Variants in POU2F1 observed in about 807,000 individuals in gnomAD.
POU2F1 encodes the protein POU domain, class 2, transcription factor 1.
In POU2F1, 16 loss-of-function variants were observed where a neutral mutation model predicts 84.9. That is an observed-to-expected ratio of 0.19 (90% CI 0.13 to 0.29). POU2F1 has a LOEUF of 0.29. Ranked by LOEUF, POU2F1 falls within the 10% of genes least tolerant of loss-of-function variation. POU2F1 has a pLI of 1.00. For synonymous variants in POU2F1, 368 were observed against 368.3 expected (o/e 1.00, Z 0.01); for missense variants, 738 against 942.6 (o/e 0.78, Z 2.84).
Position 167,245,745 on chromosome 1 carries a change from G to A in POU2F1, c.61+24787G>A, listed in dbSNP as rs549612874. Among the ~76,000 whole-genome samples the A allele has an allele frequency of 3.3e-5, 5 of 152,188 alleles. No individual in the cohort carries two copies. In the East Asian group the frequency reaches 7.7e-4, roughly 24 times the overall value. On this transcript the variant is annotated intron_variant, in intron 1 of 15. Transcript: ENST00000367866. Reference sequence around the variant, plus strand: ...TTAAAAAAAAAACTTTTTTTGTAGAGATGGTTTCACTGTATTGCCCAGGCT... The same window carrying A: ...TTAAAAAAAAAACTTTTTTTGTAGAAATGGTTTCACTGTATTGCCCAGGCT...
At chr1:167,221,017 C>A (rs1648071255) in intron 1 of POU2F1, 59 bp downstream of exon 1, 16 of 1,390,124 alleles carry the variant, frequency 1.2e-5, no homozygotes, top group South Asian at 7.4e-5. Flanking sequence ...TCCCGCTGCC[C>A]CCCCCCGCGA....
chr1:167,330,856 A>T (rs1657038822), intron 1 of POU2F1, among the ~76,000 whole-genome samples: 1 of 152,050 alleles, frequency 6.6e-6, no homozygotes. Flanking sequence ...TCTTTTTATG[A>T]ATGTTAACTG....
chr1:167,376,780 T>A (rs1021722603), intron 7 of POU2F1, among the ~76,000 whole-genome samples: 1 of 152,188 alleles, frequency 6.6e-6, no homozygotes, highest in Non-Finnish European at 1.5e-5. Context: ...TTTTTTTGCC[T>A]TTTTTCTTCT....
intron 1 of POU2F1, among the ~76,000 whole-genome samples, chr1:167,243,245 ATTAGGCATTGTT>A (rs1650046274): frequency 1.3e-5 from 2 of 152,212 alleles, no homozygotes; most frequent in African/African-American, 4.8e-5. Context: ...TGCTTATTGT[ATTAGGCATTGTT>A]TTAGGCACTT....
rs1446591498 is a variant in POU2F1, at chr1:167,424,221, T to A, written c.*8411T>A. On this transcript the variant is annotated 3_prime_UTR_variant, in exon 16 of 16. Coordinates refer to ENST00000367866, the MANE Select transcript of POU2F1 (RefSeq NM_002697.4). Reference sequence around the variant, plus strand: ...TAAAACTGCAAACAGTTGGAGAACATGGAACAGGTTGGTGCAGGAAGCCTA... The same window carrying A: ...TAAAACTGCAAACAGTTGGAGAACAAGGAACAGGTTGGTGCAGGAAGCCTA... The A allele has an allele frequency of 6.6e-6, 1 of 152,238 alleles. No individual in the cohort carries two copies. The highest frequency in any genetic ancestry group is 1.9e-4 in the East Asian group (1 of 5,196). The allele number at this position is 152,238 out of a possible 1,614,324, so 9.4% of individuals were successfully genotyped here.
In POU2F1 at chr1:167,396,704, CA is replaced by C; in HGVS notation, c.1129+278del. On this transcript the variant is annotated intron_variant, in intron 10 of 15. Coordinates refer to ENST00000367866, the MANE Select transcript of POU2F1 (RefSeq NM_002697.4). The stretch of plus-strand genomic sequence containing the variant: ...GATTAGGAACACACACACACACACA[CA>C]CACAGTTGAAGGAATAGGATAAGTA... 3 of 332,742 alleles carry C rather than the reference CA, an allele frequency of 9.0e-6. No individual in the cohort carries two copies. In the South Asian group the frequency reaches 1.7e-4, roughly 19 times the overall value. The allele number at this position is 332,742 out of a possible 1,614,324, so 20.6% of individuals were successfully genotyped here. A position where few individuals can be genotyped will look rare whatever the true frequency, so the allele number is the denominator to read the frequency against.
At chr1:167,348,217 G>C (rs763071187) in intron 2 of POU2F1, among the ~76,000 whole-genome samples, 1 of 152,136 alleles carries the variant, frequency 6.6e-6, no homozygotes, top group Non-Finnish European at 1.5e-5. Context: ...ACTGAATACT[G>C]TATGCAATTG....
chr1:167,246,420 A>T (rs565555928), intron 1 of POU2F1, among the ~76,000 whole-genome samples: 1 of 152,184 alleles, frequency 6.6e-6, no homozygotes, highest in Non-Finnish European at 1.5e-5. Context: ...TTAATCTTCT[A>T]TATTGTTCCT....
intron 1 of POU2F1, among the ~76,000 whole-genome samples, chr1:167,256,667 A>C (rs1651166076): frequency 6.6e-6 from 1 of 152,182 alleles, no homozygotes; most frequent in South Asian, 2.1e-4. Flanking sequence ...CGCCACCCGA[A>C]AAGTTACGAA....
At chr1:167,310,349 G>C (rs560000701) in intron 1 of POU2F1, among the ~76,000 whole-genome samples, 1 of 151,944 alleles carries the variant, frequency 6.6e-6, no homozygotes, top group African/African-American at 2.4e-5. Context: ...AGTAGTAAAT[G>C]GGTTAAACAA....
intron 1 of POU2F1, among the ~76,000 whole-genome samples, chr1:167,277,467 C>T (rs1262031688): frequency 6.6e-6 from 1 of 150,818 alleles, no homozygotes; most frequent in East Asian, 1.9e-4. Context: ...GAACTAACTC[C>T]ATTTTTACGT....
At chr1:167,415,361 G>T in intron 15 of POU2F1, 139 bp from the exon 16 acceptor site, 2 of 891,788 alleles carry the variant, frequency 2.2e-6, no homozygotes, top group Non-Finnish European at 3.4e-6. Context: ...CTGTGTTTGA[G>T]GAAAAAAATT....
In POU2F1 at chr1:167,235,396, T is replaced by C. The variant is rs1649375272; in HGVS notation, c.61+14438T>C. On this transcript the variant is annotated intron_variant, in intron 1 of 15. Transcript: ENST00000367866. Reference sequence around the variant, plus strand: ...TATGTTATGAGAGACATGTTCAACATCACAATAGTCTGAGAAGATGAATTA... The same window carrying C: ...TATGTTATGAGAGACATGTTCAACACCACAATAGTCTGAGAAGATGAATTA... Among the ~76,000 whole-genome samples the C allele has an allele frequency of 2.6e-5, 4 of 152,214 alleles. No individual in the cohort carries two copies. In the South Asian group the frequency reaches 8.3e-4, roughly 32 times the overall value.
chr1:167,376,941 A>G (rs532447288), intron 7 of POU2F1, among the ~76,000 whole-genome samples: 85 of 152,344 alleles, frequency 5.6e-4, no homozygotes, highest in African/African-American at 1.7e-3. Context: ...TGATATGCAC[A>G]CAATGCTATG....
At chr1:167,412,944 T>C (rs1650061553) in intron 14 of POU2F1, 82 bp from the exon 15 acceptor site, 1 of 1,187,032 alleles carries the variant, frequency 8.4e-7, no homozygotes, top group Admixed American at 2.0e-5. Context: ...GGATTTTCGT[T>C]TTGTAAGTTC....
At chr1:167,311,165 CAAAA>C (rs1250143982) in intron 1 of POU2F1, among the ~76,000 whole-genome samples, 1 of 151,758 alleles carries the variant, frequency 6.6e-6, no homozygotes, top group African/African-American at 2.4e-5. Flanking sequence ...TTTCACAAAA[CAAAA>C]AAATCTCCAA....
chr1:167,277,140 T>C (rs1652782083), intron 1 of POU2F1, among the ~76,000 whole-genome samples: 1 of 152,150 alleles, frequency 6.6e-6, no homozygotes, highest in Non-Finnish European at 1.5e-5. Context: ...TTGTGAAACC[T>C]TTTTTTCCCT....
At chr1:167,287,770 C>G (rs187758867) in intron 1 of POU2F1, among the ~76,000 whole-genome samples, 33 of 152,246 alleles carry the variant, frequency 2.2e-4, no homozygotes, top group African/African-American at 7.5e-4. Flanking sequence ...TGATACAAGG[C>G]ATGAATTCTC....
At chr1:167,379,501 C>T (rs1345718163) in intron 7 of POU2F1, 1 of 152,096 alleles carries the variant, frequency 6.6e-6, no homozygotes, top group Admixed American at 6.5e-5. Flanking sequence ...TTGATAGGGT[C>T]AGAGAAAATA....
Sources: allele counts gnomAD v4.1 joint callset (sites outside exome capture counted in the v4.1 genomes callset), GRCh38; gene constraint gnomAD v4.1.1; transcripts MANE v1.5; gene names NCBI Gene and HGNC (gene_info 2026-07-23, HGNC 2026-07-21).